AKR1E2: variants seen among roughly 807,000 people sequenced by gnomAD.
AKR1E2 encodes the protein aldo-keto reductase family 1 member E2.
AKR1E2 carries 43 observed loss-of-function variants against 41.9 expected under a neutral mutation model. The ratio of observed to expected loss-of-function variants is 1.03; its 90% confidence interval spans 0.80 to 1.32. The LOEUF (loss-of-function observed/expected upper bound fraction) is 1.32. Among genes scored for constraint, AKR1E2 ranks in the 40% most tolerant of loss-of-function variants. The pLI is 0.00. For missense variants in AKR1E2, 423 were observed against 396.5 expected, an observed-to-expected ratio of 1.07 and a Z score of -0.57; for synonymous variants, 121 against 138.9, an observed-to-expected ratio of 0.87 and a Z score of 0.91.
intron 8 of AKR1E2, among the ~76,000 whole-genome samples, chr10:4,842,769 G>C (rs1256036901): frequency 6.6e-6 from 1 of 152,190 alleles, no homozygotes; most frequent in Non-Finnish European, 1.5e-5. Context: ...ATCTTGTTGG[G>C]ATGATTTGTG....
At position 4,835,655 on chromosome 10, in the gene AKR1E2, TC is replaced by T; in HGVS notation, c.325-19del. On this transcript the variant is annotated intron_variant, in intron 3 of 9. Transcript: ENST00000298375. ...TTGTTTTGTTTTGTTTTCACACATC[TC>T]AACTCTCCTTCTTCGCAGCCTCCTC... 4 of 1,607,504 alleles carry T rather than the reference TC, an allele frequency of 2.5e-6. No individual in the cohort carries two copies. Among genetic ancestry groups the T allele is most frequent in the Non-Finnish European group, 3.4e-6 (4 of 1,177,272 alleles).
chr10:4,863,946 C>A, the AKR1E2 span, among the ~76,000 whole-genome samples: 10 of 152,206 alleles, frequency 6.6e-5, no homozygotes, highest in South Asian at 2.1e-4. Context: ...CAATAACAGG[C>A]TCTGAAATTG....
chr10:4,835,256 T>C (rs1833308063), intron 3 of AKR1E2, among the ~76,000 whole-genome samples: 1 of 152,202 alleles, frequency 6.6e-6, no homozygotes, highest in Admixed American at 6.5e-5. Flanking sequence ...TTACCTGTCA[T>C]CATGATGGGG....
chr10:4,856,502 A>C, the AKR1E2 span, among the ~76,000 whole-genome samples: 3 of 152,340 alleles, frequency 2.0e-5, no homozygotes, highest in African/African-American at 2.4e-5. Flanking sequence ...TTTATCTATA[A>C]GGTTTTATTA....
chr10:4,841,978 C>T lies in AKR1E2; in HGVS notation c.753+121C>T, dbSNP rs199553054. On this transcript the variant is annotated intron_variant, in intron 7 of 9. Coordinates refer to ENST00000298375, the MANE Select transcript of AKR1E2 (RefSeq NM_001040177.3). ...GGCTCACCCAGGTGAGTCCATGACTCATTAGAACCTCCCAGCGTCAAGCAG... is the reference window on the plus strand; with the variant it reads ...GGCTCACCCAGGTGAGTCCATGACTTATTAGAACCTCCCAGCGTCAAGCAG... 14 of 775,192 alleles carry T rather than the reference C, an allele frequency of 1.8e-5. No homozygotes were observed. The East Asian group carries it at 3.1e-4, about 17-fold the overall frequency. The allele number at this position is 775,192 out of a possible 1,614,324, so 48.0% of individuals were successfully genotyped here. A position where few individuals can be genotyped will look rare whatever the true frequency, so the allele number is the denominator to read the frequency against.
intron 3 of AKR1E2, among the ~76,000 whole-genome samples, chr10:4,834,348 A>G (rs1306350542): frequency 1.3e-5 from 2 of 152,278 alleles, no homozygotes; most frequent in Non-Finnish European, 2.9e-5. Flanking sequence ...AAGGCTTTGT[A>G]TCTAGTTTCC....
intron 5 of AKR1E2, 119 bp downstream of exon 5, chr10:4,837,700 T>C: frequency 1.4e-6 from 2 of 1,437,050 alleles, no homozygotes; most frequent in Non-Finnish European, 1.9e-6. Flanking sequence ...CCTGTTCTCC[T>C]CTGGCAGCAC....
chr10:4,868,227 G>A, the AKR1E2 span, among the ~76,000 whole-genome samples: 1 of 152,086 alleles, frequency 6.6e-6, no homozygotes, highest in Non-Finnish European at 1.5e-5. Flanking sequence ...AGTTCTTCCT[G>A]GTTCTGAGCT....
At chr10:4,842,340 A>T in intron 7 of AKR1E2, 81 bp from the exon 8 acceptor site, 1 of 1,295,788 alleles carries the variant, frequency 7.7e-7, no homozygotes, top group Non-Finnish European at 1.1e-6. Context: ...TTACTGCATG[A>T]TAAAACTCAC....
At position 4,839,839 on chromosome 10, in the gene AKR1E2, C is replaced by A; in HGVS notation, c.680+13C>A. The A allele has an allele frequency of 6.2e-7, 1 of 1,609,704 alleles. No homozygotes were observed. The highest frequency in any genetic ancestry group is 8.5e-7 in the Non-Finnish European group (1 of 1,176,066). On this transcript the variant is annotated intron_variant, in intron 6 of 9. Transcript: ENST00000298375. ...TTGGTGGCTCGTGGTAAGGATACCTCAGTGGTGTGTTAGTCAGAGTCCGAC... is the reference window on the plus strand; with the variant it reads ...TTGGTGGCTCGTGGTAAGGATACCTAAGTGGTGTGTTAGTCAGAGTCCGAC...
In AKR1E2 at chr10:4,847,129, C is replaced by G. The variant is rs1399828667; in HGVS notation, c.838-19C>G. On this transcript the variant is annotated intron_variant, in intron 8 of 9. Coordinates refer to ENST00000298375, the MANE Select transcript of AKR1E2 (RefSeq NM_001040177.3). ...TGAATTAAACTAAGTTTTCTACAAA[C>G]ATTGTGTTTTGGTTCCAGGTGTTTG... 6.2e-7 allele frequency: 1 copy of G among 1,613,564 alleles called. No individual in the cohort carries two copies. The highest frequency in any genetic ancestry group is 1.7e-5 in the Admixed American group (1 of 59,946).
At chr10:4,826,949 G>A (rs1832572405) in intron 1 of AKR1E2, among the ~76,000 whole-genome samples, 1 of 151,814 alleles carries the variant, frequency 6.6e-6, no homozygotes, top group African/African-American at 2.4e-5. Flanking sequence ...GGGGGTGCGC[G>A]CCTGTGGTCC....
At chr10:4,843,276 T>A (rs1018809677) in intron 8 of AKR1E2, among the ~76,000 whole-genome samples, 2 of 152,150 alleles carry the variant, frequency 1.3e-5, no homozygotes, top group African/African-American at 4.8e-5. Flanking sequence ...AGAGCACCCT[T>A]CTGATAGGAT....
the AKR1E2 span, among the ~76,000 whole-genome samples, chr10:4,872,305 A>G: frequency 6.6e-6 from 1 of 152,194 alleles, no homozygotes; most frequent in Non-Finnish European, 1.5e-5. Flanking sequence ...AAGTTAATAA[A>G]TATTTTAAGG....
chr10:4,851,517 T>G (rs1304818883), downstream of AKR1E2, among the ~76,000 whole-genome samples: 1 of 152,238 alleles, frequency 6.6e-6, no homozygotes. Flanking sequence ...ATTTTTAATG[T>G]GCACTTCTGT....
At chr10:4,850,032 T>G (rs1462266945), downstream of AKR1E2, among the ~76,000 whole-genome samples, 1 of 152,222 alleles carries the variant, frequency 6.6e-6, no homozygotes, top group Non-Finnish European at 1.5e-5. Context: ...GCCTCGTTCT[T>G]GAGCAGTATT....
downstream of AKR1E2, among the ~76,000 whole-genome samples, chr10:4,849,296 G>A (rs540730130): frequency 7.2e-5 from 11 of 151,872 alleles, no homozygotes; most frequent in East Asian, 2.2e-3. Context: ...TTCCATGTTC[G>A]TGACTCCTTA....
At chr10:4,851,008 C>T (rs1834516427), downstream of AKR1E2, among the ~76,000 whole-genome samples, 1 of 152,156 alleles carries the variant, frequency 6.6e-6, no homozygotes, top group South Asian at 2.1e-4. Context: ...AACAAGCTTT[C>T]TTTATTGTTA....
the AKR1E2 span, among the ~76,000 whole-genome samples, chr10:4,857,639 C>T: frequency 1.3e-5 from 2 of 151,858 alleles, no homozygotes; most frequent in African/African-American, 4.8e-5. Flanking sequence ...AATACGTACT[C>T]CATAAATATA....
Sources: allele counts gnomAD v4.1 joint callset (sites outside exome capture counted in the v4.1 genomes callset), GRCh38; gene constraint gnomAD v4.1.1; transcripts MANE v1.5; gene names NCBI Gene and HGNC (gene_info 2026-07-23, HGNC 2026-07-21).